Variants in CCDC180 observed in about 807,000 individuals in gnomAD.
The protein encoded by CCDC180 is coiled-coil domain-containing protein 180.
CCDC180 carries 154 observed loss-of-function variants against 209.2 expected under a neutral mutation model. The ratio of observed to expected loss-of-function variants is 0.74; its 90% CI spans 0.65 to 0.84. The LOEUF is 0.84. CCDC180 is among the 40% of genes least tolerant of loss of function. The pLI, the probability that CCDC180 is intolerant of heterozygous loss-of-function variation, is 0.00. For missense variants in CCDC180, 1,874 were observed against 1,997.3 expected, an observed-to-expected ratio of 0.94 and a Z score of 1.18; for synonymous variants, 778 against 749.1, an observed-to-expected ratio of 1.04 and a Z score of -0.63.
At chr9:97,371,011 C>T (rs905575601) in intron 33 of CCDC180, 3 of 233,504 alleles carry the variant, frequency 1.3e-5, no homozygotes, top group African/African-American at 2.9e-5. Flanking sequence ...GGCCGGACTG[C>T]GGACTGCAGT....
At chr9:97,308,209 C>A in intron 2 of CCDC180, 77 bp downstream of exon 2, 1 of 1,331,760 alleles carries the variant, frequency 7.5e-7, no homozygotes, top group Non-Finnish European at 1.0e-6. Flanking sequence ...CCTCCCAGGG[C>A]TTCCCTACTG....
At chr9:97,365,573 G>A (rs1826894600) in intron 29 of CCDC180, 100 bp from the exon 30 acceptor site, 11 of 1,065,980 alleles carry the variant, frequency 1.0e-5, no homozygotes, top group East Asian at 7.1e-5. Flanking sequence ...GGAGTGTCAC[G>A]GCCAAAACAG....
chr9:97,323,575 G>A (rs1474166938), intron 12 of CCDC180, among the ~76,000 whole-genome samples: 1 of 152,180 alleles, frequency 6.6e-6, no homozygotes, highest in Non-Finnish European at 1.5e-5. Flanking sequence ...CACCACTTGG[G>A]GAGCCTCCCG....
intron 18 of CCDC180, among the ~76,000 whole-genome samples, chr9:97,339,393 A>AT (rs1322425310): frequency 6.6e-6 from 1 of 152,018 alleles, no homozygotes; most frequent in African/African-American, 2.4e-5. Flanking sequence ...TCTGTAAAGG[A>AT]TTTTATTTCT....
intron 9 of CCDC180, among the ~76,000 whole-genome samples, chr9:97,317,819 C>T (rs1307280009): frequency 2.0e-5 from 3 of 152,156 alleles, no homozygotes; most frequent in South Asian, 4.1e-4. Flanking sequence ...CTTGAACATT[C>T]GGAATCTGTC....
At chr9:97,343,772 C>A (rs1012874846) in intron 19 of CCDC180, 4 of 543,398 alleles carry the variant, frequency 7.4e-6, no homozygotes, top group African/African-American at 1.9e-5. Context: ...GTGAGAGTGA[C>A]CCCCTGCACC....
rs1826759931 is a variant in CCDC180, at chr9:97,361,779, A to G, written c.3537A>G (p.Glu1179=). ...ACAGTGACATCCTGACATCTTCAGA[A>G]GCCCTTGAAGAGGAGGCCAAGCTGG... ...EEDSDILTSS[E]ALEEEAKLDV... is the part of the protein sequence containing the mutation. The change falls in exon 27 of 37, where the codon GAA becomes GAG. Residue 1179 remains glutamate (E), a synonymous_variant. Coordinates refer to ENST00000529487, the MANE Select transcript of CCDC180 (RefSeq NM_020893.6). The G allele has an allele frequency of 1.2e-6, 2 of 1,614,076 alleles. No individual in the cohort carries two copies. Among genetic ancestry groups the G allele is most frequent in the East Asian group, 4.5e-5 (2 of 44,896 alleles).
At chr9:97,375,406 G>C (rs770480623) in intron 35 of CCDC180, 48 bp from the exon 36 acceptor site, 1 of 1,610,252 alleles carries the variant, frequency 6.2e-7, no homozygotes, top group Admixed American at 1.7e-5. Context: ...GGTGGATTAT[G>C]AAAGATGAAG....
chr9:97,329,252 T>C (rs924192741), intron 16 of CCDC180, among the ~76,000 whole-genome samples: 8 of 152,242 alleles, frequency 5.3e-5, no homozygotes, highest in African/African-American at 1.9e-4. Flanking sequence ...GTTAAAGGTA[T>C]AGGCACCATT....
chr9:97,344,516 T>C (rs1826191522), intron 19 of CCDC180, among the ~76,000 whole-genome samples: 1 of 152,150 alleles, frequency 6.6e-6, no homozygotes, highest in Non-Finnish European at 1.5e-5. Flanking sequence ...GTGTATTTAA[T>C]CCCCTTAATA....
chr9:97,317,953 C>T (rs1447814391), intron 9 of CCDC180, among the ~76,000 whole-genome samples: 2 of 152,200 alleles, frequency 1.3e-5, no homozygotes, highest in Non-Finnish European at 2.9e-5. Flanking sequence ...TGCCAAACAT[C>T]ATCAACAGTG....
At position 97,328,162 on chromosome 9, in the gene CCDC180, T is replaced by C. The variant is rs769550785; in HGVS notation, c.1788+16T>C. On this transcript the variant is annotated intron_variant, in intron 16 of 36. Transcript: ENST00000529487. ...CTTTGAACAGGTATGGAGAGGGTGA[T>C]GATACACCCAGCCACTCATGAAGAA... 1.1e-5 allele frequency: 18 copies of C among 1,611,322 alleles called. No homozygotes were observed. The highest frequency in any genetic ancestry group is 2.7e-5 in the African/African-American group (2 of 74,786).
chr9:97,320,023 A>T, intron 10 of CCDC180, 103 bp from the exon 11 acceptor site: 1 of 900,272 alleles, frequency 1.1e-6, no homozygotes, highest in Non-Finnish European at 1.9e-6. Flanking sequence ...TTCAGTGTTT[A>T]AATCCATGAT....
At chr9:97,350,985 A>G (rs369190143) in intron 22 of CCDC180, among the ~76,000 whole-genome samples, 1 of 152,246 alleles carries the variant, frequency 6.6e-6, no homozygotes, top group East Asian at 1.9e-4. Context: ...ATGTGTCACA[A>G]AATCATTCCT....
intron 22 of CCDC180, among the ~76,000 whole-genome samples, chr9:97,352,311 G>A (rs945827243): frequency 1.3e-5 from 2 of 152,196 alleles, no homozygotes; most frequent in African/African-American, 4.8e-5. Flanking sequence ...TTTAGAGGAA[G>A]GGTAAATGAT....
chr9:97,341,571 T>C (rs950284789), intron 18 of CCDC180, among the ~76,000 whole-genome samples: 11 of 152,176 alleles, frequency 7.2e-5, no homozygotes, highest in Non-Finnish European at 1.5e-5. Context: ...GAGGGGCACC[T>C]GGCTGTATGA....
Position 97,366,443 on chromosome 9 carries a change from G to A in CCDC180, c.4048-116G>A. 1.9e-6 allele frequency: 2 copies of A among 1,061,916 alleles called. No individual in the cohort carries two copies. Among genetic ancestry groups the A allele is most frequent in the Non-Finnish European group, 2.7e-6 (2 of 733,182 alleles). The allele number at this position is 1,061,916 out of a possible 1,614,324, so 65.8% of individuals were successfully genotyped here. On this transcript the variant is annotated intron_variant, in intron 30 of 36. Coordinates refer to ENST00000529487, the MANE Select transcript of CCDC180 (RefSeq NM_020893.6). The surrounding 1 kb of genome is among the most constrained non-coding windows in gnomAD (Gnocchi z 4.3). ...TGTCTGCTCGTGTCACTTCCACAGG[G>A]GATGCCACGAGCAAAGGCTAGGGAG... is the stretch of plus-strand genomic sequence containing the variant.
chr9:97,318,485 A>G lies in CCDC180; in HGVS notation c.982A>G (p.Ile328Val). Reference protein sequence around the residue: ...SFSEFMASESIHTPPAVTKEL... With the variant: ...SFSEFMASESVHTPPAVTKEL... ...CAGTGAGTTCATGGCCAGTGAGAGT[A>G]TCCATACTCCCCCGGCTGTGACGAA... The change falls in exon 10 of 37, where the codon ATC (isoleucine) becomes GTC (valine). Residue 328 changes from isoleucine to valine, a missense_variant. Transcript: ENST00000529487. The G allele has an allele frequency of 2.5e-6, 4 of 1,613,682 alleles. No individual in the cohort carries two copies. The highest frequency in any genetic ancestry group is 1.7e-5 in the Admixed American group (1 of 59,998).
At chr9:97,350,992 T>G (rs1016453500) in intron 22 of CCDC180, among the ~76,000 whole-genome samples, 1 of 152,256 alleles carries the variant, frequency 6.6e-6, no homozygotes, top group African/African-American at 2.4e-5. Context: ...ACAAAATCAT[T>G]CCTTTTTAAG....
Sources: gnomAD v4.1 joint callset for allele counts (sites outside exome capture counted in the v4.1 genomes callset) on GRCh38, gnomAD v4.1.1 for gene constraint, Gnocchi (gnomAD v3.1) non-coding constraint, MANE v1.5 for transcripts, NCBI Gene and HGNC (gene_info 2026-07-23, HGNC 2026-07-21) for gene names.